SHANK2: variants seen among roughly 807,000 people sequenced by gnomAD.
SHANK2 encodes SH3 and multiple ankyrin repeat domains 2.
Under a neutral mutation model 133.7 loss-of-function variants are expected in SHANK2, and 43 were observed. The ratio of observed to expected loss-of-function variants is 0.32; its 90% CI spans 0.25 to 0.41. The LOEUF is 0.41. Ranked by LOEUF, SHANK2 falls within the 10% of genes least tolerant of loss-of-function variation. The pLI is 1.00. For synonymous variants in SHANK2, 1,017 were observed against 952.8 expected (o/e 1.07, Z -1.24); for missense variants, 1,994 against 2,235.8 (o/e 0.89, Z 2.18).
chr11:71,194,258 T>C (rs143554317), intron 2 of SHANK2, among the ~76,000 whole-genome samples: 46 of 152,160 alleles, frequency 3.0e-4, no homozygotes, highest in African/African-American at 1.1e-3. Context: ...GGGACCACAG[T>C]TACTCACGGG....
chr11:70,905,784 A>G (rs780418420), intron 10 of SHANK2, among the ~76,000 whole-genome samples: 76 of 151,698 alleles, frequency 5.0e-4, no homozygotes, highest in Non-Finnish European at 9.6e-4. Flanking sequence ...TATTGTTTAT[A>G]AGCCACCACC....
At chr11:71,068,468 C>A (rs1159606886) in intron 9 of SHANK2, among the ~76,000 whole-genome samples, 4 of 152,232 alleles carry the variant, frequency 2.6e-5, no homozygotes, top group Non-Finnish European at 5.9e-5. Flanking sequence ...CCCAGCAGCA[C>A]AATGCAACAC....
chr11:70,820,110 C>T (rs1469273382), intron 12 of SHANK2, among the ~76,000 whole-genome samples: 1 of 152,228 alleles, frequency 6.6e-6, no homozygotes, highest in East Asian at 1.9e-4. Context: ...CCCCAGGATG[C>T]TCAGCTCAGC....
At chr11:71,066,148 T>TG (rs1375268040) in intron 9 of SHANK2, among the ~76,000 whole-genome samples, 2 of 1,786 alleles carry the variant, frequency 1.1e-3, no homozygotes, top group Admixed American at 7.5e-3. Context: ...GGAAGTTGGG[T>TG]GGGGGGGGTG....
Position 70,486,091 on chromosome 11 carries a change from A to G in SHANK2, c.4202T>C (p.Leu1401Ser). 1 of 1,614,096 alleles carries G rather than the reference A, an allele frequency of 6.2e-7. No individual in the cohort carries two copies. The highest frequency in any genetic ancestry group is 8.5e-7 in the Non-Finnish European group (1 of 1,180,030). Residue 1401 changes from leucine (L) to serine (S), a missense_variant, in exon 25 of 26, where the codon TTG becomes TCG. Transcript: ENST00000601538. The surrounding 1 kb of genome is among the most constrained non-coding windows in gnomAD (Gnocchi z 8.0). Reference sequence around the variant, plus strand: ...CTCTGTAAAAATAAAATCCTCATCCAAGTCCACGGATGCCAGAGGGGGAGG... The same window carrying G: ...CTCTGTAAAAATAAAATCCTCATCCGAGTCCACGGATGCCAGAGGGGGAGG... ...IPPPPLASVD[L>S]DEDFIFTEPL...
intron 11 of SHANK2, 114 bp from the exon 12 acceptor site, chr11:70,820,796 G>A (rs976819747): frequency 3.5e-6 from 2 of 563,728 alleles, no homozygotes; most frequent in African/African-American, 3.8e-5. Context: ...TGCGAGCCCA[G>A]CAGAGGGGAG....
rs143644552 is a variant in SHANK2, at chr11:71,182,488, T to C, written c.-12-35150A>G. On this transcript the variant is annotated intron_variant, in intron 2 of 25. Coordinates refer to ENST00000601538, the MANE Select transcript of SHANK2 (RefSeq NM_012309.5). ...CCTTCTGAGGCTGTGAGGAGGCATC[T>C]GCTCCAGGCCTGTCCCCCAGCTTCA... is the stretch of plus-strand genomic sequence containing the variant. Among the ~76,000 whole-genome samples the C allele has an allele frequency of 3.8e-3, 578 of 152,344 alleles. 9 individuals are homozygous for C. Among genetic ancestry groups the C allele is most frequent in the African/African-American group, 0.012 (517 of 41,582 alleles).
intron 8 of SHANK2, among the ~76,000 whole-genome samples, chr11:71,078,258 A>G (rs1466370357): frequency 6.6e-6 from 1 of 152,170 alleles, no homozygotes; most frequent in Non-Finnish European, 1.5e-5. Context: ...AACTGGGATA[A>G]TAATAACAGA....
At chr11:71,219,889 C>T (rs549270835) in intron 2 of SHANK2, among the ~76,000 whole-genome samples, 9 of 151,604 alleles carry the variant, frequency 5.9e-5, no homozygotes, top group South Asian at 4.2e-4. Context: ...CAGAGCGAGA[C>T]TCCATCTCAA....
intron 6 of SHANK2, among the ~76,000 whole-genome samples, chr11:71,103,835 T>C (rs1482151364): frequency 3.6e-5 from 5 of 137,430 alleles, no homozygotes; most frequent in East Asian, 4.4e-4. Context: ...TCTCTCTCTC[T>C]CCCTCCCTCC....
chr11:70,594,987 G>A (rs1554989102), intron 17 of SHANK2, among the ~76,000 whole-genome samples: 1 of 152,012 alleles, frequency 6.6e-6, no homozygotes, highest in African/African-American at 2.4e-5. Context: ...TCAGGGCCGG[G>A]AGCCGGGAGC....
chr11:70,542,292 T>A (rs545441021), intron 17 of SHANK2, among the ~76,000 whole-genome samples: 38 of 152,166 alleles, frequency 2.5e-4, no homozygotes, highest in African/African-American at 7.9e-4. Flanking sequence ...CAGTGACGGG[T>A]GCCCTTATGA....
chr11:71,147,114 G>C lies in SHANK2; in HGVS notation c.207+6C>G. On this transcript the variant is annotated splice_donor_region_variant and intron_variant, in intron 3 of 25. Coordinates refer to ENST00000601538, the MANE Select transcript of SHANK2 (RefSeq NM_012309.5). ...TGTGAACCAAAGGGCAGACCACGGG[G>C]CTCACCGTCTGCTGCAGGTCATGGA... 1 of 1,543,818 alleles carries C rather than the reference G, an allele frequency of 6.5e-7. No homozygotes were observed. Among genetic ancestry groups the C allele is most frequent in the African/African-American group, 1.4e-5 (1 of 73,082 alleles).
intron 17 of SHANK2, among the ~76,000 whole-genome samples, chr11:70,639,851 C>T (rs187418413): frequency 1.3e-5 from 2 of 152,094 alleles, no homozygotes; most frequent in Non-Finnish European, 2.9e-5. Context: ...TCTAAACTCT[C>T]GGCCTCTCAG....
chr11:70,953,888 C>T (rs1442214210), intron 10 of SHANK2, among the ~76,000 whole-genome samples: 1 of 152,164 alleles, frequency 6.6e-6, no homozygotes, highest in Non-Finnish European at 1.5e-5. Flanking sequence ...TAGGAAGGGC[C>T]TGGCACCTCC....
chr11:71,132,305 G>C (rs1190488904), intron 3 of SHANK2, among the ~76,000 whole-genome samples: 4 of 152,162 alleles, frequency 2.6e-5, no homozygotes, highest in Non-Finnish European at 5.9e-5. Flanking sequence ...AAAAACTGAT[G>C]ATCTGCGGCC....
chr11:70,951,395 C>A (rs1475200946), intron 10 of SHANK2, among the ~76,000 whole-genome samples: 1 of 149,152 alleles, frequency 6.7e-6, no homozygotes, highest in African/African-American at 2.5e-5. Flanking sequence ...ATTCATTTCC[C>A]CTGGCTGTTG....
intron 14 of SHANK2, among the ~76,000 whole-genome samples, chr11:70,709,676 G>A (rs1161032775): frequency 6.6e-6 from 1 of 152,192 alleles, no homozygotes; most frequent in Non-Finnish European, 1.5e-5. Flanking sequence ...AAGGCTTAGC[G>A]CACACACTCA....
At chr11:71,150,660 G>T (rs1387292264) in intron 2 of SHANK2, among the ~76,000 whole-genome samples, 1 of 151,982 alleles carries the variant, frequency 6.6e-6, no homozygotes. Flanking sequence ...TCCAGCGCAT[G>T]TTCTTTCTTT....
Sources: gnomAD v4.1 joint callset for allele counts (sites outside exome capture counted in the v4.1 genomes callset) on GRCh38, gnomAD v4.1.1 for gene constraint, Gnocchi (gnomAD v3.1) non-coding constraint, MANE v1.5 for transcripts, NCBI Gene and HGNC (gene_info 2026-07-23, HGNC 2026-07-21) for gene names.